The following UPP1 variants were observed in gnomAD, a reference collection of about 807,000 sequenced individuals.
UPP1 encodes UPase 1.
In UPP1, 25 loss-of-function variants were observed where a neutral mutation model predicts 29.6. That is an observed-to-expected ratio of 0.85 (90% CI 0.62 to 1.18). UPP1 has a LOEUF of 1.18. Among genes scored for constraint, UPP1 ranks in the 50% most tolerant of loss-of-function variants. The probability of loss-of-function intolerance (pLI) is 0.00; values close to 1 mark genes in which losing one functional copy is unlikely to be tolerated. For missense variants in UPP1, 368 were observed against 410.4 expected (o/e 0.90, Z 0.89); for synonymous variants, 165 against 159.8 (o/e 1.03, Z -0.25).
intron 4 of UPP1, among the ~76,000 whole-genome samples, chr7:48,101,345 C>T (rs1792409762): frequency 6.6e-6 from 1 of 152,208 alleles, no homozygotes; most frequent in Non-Finnish European, 1.5e-5. Flanking sequence ...CTTCCTGAGC[C>T]TCCTCTAGGC....
At chr7:48,099,045 C>T (rs1792277554) in intron 3 of UPP1, among the ~76,000 whole-genome samples, 1 of 152,206 alleles carries the variant, frequency 6.6e-6, no homozygotes, top group South Asian at 2.1e-4. Flanking sequence ...TATTTATTAT[C>T]TGGCCTTTTA....
At chr7:48,091,031 CAA>C (rs1185513719) in intron 2 of UPP1, among the ~76,000 whole-genome samples, 2 of 151,910 alleles carry the variant, frequency 1.3e-5, no homozygotes, top group Non-Finnish European at 2.9e-5. Context: ...TAAAAACAAA[CAA>C]ACAAAAAAAC....
At chr7:48,090,668 C>A (rs1791778148) in intron 2 of UPP1, among the ~76,000 whole-genome samples, 2 of 152,198 alleles carry the variant, frequency 1.3e-5, no homozygotes, top group Admixed American at 1.3e-4. Flanking sequence ...TTTCTACAAG[C>A]GCTGCTGAGC....
Position 48,108,310 on chromosome 7 carries a change from C to T in UPP1, c.886C>T (p.Gln296Ter), listed in dbSNP as rs763004516. 88 of 1,614,052 alleles carry T rather than the reference C, an allele frequency of 5.5e-5. No individual in the cohort carries two copies. Among genetic ancestry groups the T allele is most frequent in the Non-Finnish European group, 7.1e-5 (84 of 1,180,032 alleles). ...GCTCAGCGAGTACCAGCAGAGGCCG[C>T]AGCGGCTGGTGAGCTACTTCATCAA... is the stretch of plus-strand genomic sequence containing the variant. ...NVLSEYQQRP[Q>*]RLVSYFIKKK... The change falls in exon 9 of 9, where the codon CAG (glutamine) becomes TAG (stop). Residue 296 changes from glutamine to a stop codon, truncating the protein, a stop_gained. Transcript: ENST00000395564. LOFTEE classifies it high-confidence loss of function.
At chr7:48,105,275 T>C (rs1475046468) in intron 6 of UPP1, 1 of 152,138 alleles carries the variant, frequency 6.6e-6, no homozygotes, top group Non-Finnish European at 1.5e-5. Flanking sequence ...TCAGCCAAGC[T>C]CTCCTCTAGC....
upstream of UPP1, chr7:48,088,752 C>G (rs1329426583): frequency 1.3e-5 from 2 of 152,474 alleles, no homozygotes; most frequent in African/African-American, 2.4e-5. Context: ...GCTCCACATT[C>G]CCGACCACCG....
In UPP1 at chr7:48,098,621, G is replaced by A. The variant is rs184022629; in HGVS notation, c.45-1049G>A. On this transcript the variant is annotated intron_variant, in intron 3 of 8. Coordinates refer to ENST00000395564, the MANE Select transcript of UPP1 (RefSeq NM_003364.4). ...TTATTTAACAGTTATTTCCAAATCCGTGGCAGCTGAGACCTTGCCTCTCTT... is the reference window on the plus strand; with the variant it reads ...TTATTTAACAGTTATTTCCAAATCCATGGCAGCTGAGACCTTGCCTCTCTT... Among the ~76,000 whole-genome samples, 365 of 152,308 alleles carry A rather than the reference G, an allele frequency of 2.4e-3. 1 individual carries two copies. The highest frequency in any genetic ancestry group is 0.01 in the Middle Eastern group (3 of 294).
At position 48,108,205 on chromosome 7, in the gene UPP1, T is replaced by A; in HGVS notation, c.794-13T>A. ...CCGGCACCTTGCCTTGATGTGGTCT[T>A]TGTCCTTTGCAGCGGCCGTGGTGTG... On this transcript the variant is annotated splice_polypyrimidine_tract_variant and intron_variant, in intron 8 of 8. Transcript: ENST00000395564. 1.2e-6 allele frequency: 2 copies of A among 1,611,044 alleles called. No individual in the cohort carries two copies. The highest frequency in any genetic ancestry group is 1.7e-6 in the Non-Finnish European group (2 of 1,178,706).
chr7:48,091,456 T>C (rs188911757), intron 2 of UPP1, among the ~76,000 whole-genome samples: 26 of 152,226 alleles, frequency 1.7e-4, no homozygotes, highest in Non-Finnish European at 1.0e-4. Context: ...TCTCCTGTTA[T>C]GTGGGGAGGG....
chr7:48,094,706 C>T, intron 2 of UPP1, 57 bp from the exon 3 acceptor site: 1 of 1,524,916 alleles, frequency 6.6e-7, no homozygotes, highest in Non-Finnish European at 9.1e-7. Flanking sequence ...TGGGGCTCTG[C>T]ACGATCTTGG....
At chr7:48,100,912 T>TC (rs1194709254) in intron 4 of UPP1, among the ~76,000 whole-genome samples, 1 of 147,732 alleles carries the variant, frequency 6.8e-6, no homozygotes, top group Non-Finnish European at 1.5e-5. Context: ...TCTTCAGACT[T>TC]TTTTTTTTAA....
intron 4 of UPP1, 59 bp downstream of exon 4, chr7:48,099,846 T>C: frequency 8.8e-7 from 1 of 1,137,746 alleles, no homozygotes; most frequent in Non-Finnish European, 1.3e-6. Flanking sequence ...CCCCCTATAT[T>C]ATACAGGTAG....
chr7:48,106,443 T>G (rs1303366180), intron 6 of UPP1: 1 of 182,150 alleles, frequency 5.5e-6, no homozygotes, highest in Non-Finnish European at 1.2e-5. Flanking sequence ...CCCAAGTAGC[T>G]GGGATTACAG....
chr7:48,095,158 C>T (rs918755620), intron 3 of UPP1, among the ~76,000 whole-genome samples: 1 of 152,204 alleles, frequency 6.6e-6, no homozygotes, highest in Non-Finnish European at 1.5e-5. Context: ...TCACTCAGCT[C>T]TGCCTTGGTT....
intron 4 of UPP1, 64 bp from the exon 5 acceptor site, chr7:48,101,760 G>GCC (rs1792433623): frequency 1.3e-6 from 2 of 1,546,072 alleles, no homozygotes; most frequent in Non-Finnish European, 1.7e-6. Context: ...TGGTCTAGGG[G>GCC]CCCCACTTGA....
At chr7:48,095,395 G>T (rs1792075002) in intron 3 of UPP1, among the ~76,000 whole-genome samples, 1 of 151,872 alleles carries the variant, frequency 6.6e-6, no homozygotes. Context: ...TGCCGCCATG[G>T]CCTCTCCCCA....
At chr7:48,101,781 T>A (rs1792434938) in intron 4 of UPP1, 43 bp from the exon 5 acceptor site, 5 of 1,603,540 alleles carry the variant, frequency 3.1e-6, no homozygotes, top group Non-Finnish European at 4.3e-6. Context: ...GGACCTCTGC[T>A]ATAGACAGTG....
intron 6 of UPP1, 51 bp downstream of exon 6, chr7:48,103,462 G>A: frequency 6.9e-7 from 1 of 1,459,826 alleles, no homozygotes; most frequent in Non-Finnish European, 9.6e-7. Context: ...AGGGACTGGG[G>A]CATGCCAAGG....
At chr7:48,101,521 G>T (rs911329971) in intron 4 of UPP1, among the ~76,000 whole-genome samples, 1 of 152,050 alleles carries the variant, frequency 6.6e-6, no homozygotes, top group Non-Finnish European at 1.5e-5. Flanking sequence ...TCTACATGAC[G>T]GAGGGAGGCC....
Sources: allele counts gnomAD v4.1 joint callset (sites outside exome capture counted in the v4.1 genomes callset), GRCh38; gene constraint gnomAD v4.1.1; transcripts MANE v1.5; gene names NCBI Gene and HGNC (gene_info 2026-07-23, HGNC 2026-07-21).